PRKCI: variants seen among roughly 807,000 people sequenced by gnomAD.
PRKCI encodes protein kinase C iota.
A neutral mutation model predicts 84.0 loss-of-function variants in PRKCI; 43 were observed. The ratio of observed to expected loss-of-function variants is 0.51; its 90% CI spans 0.40 to 0.66. PRKCI has a LOEUF of 0.66. PRKCI is among the 30% of genes least tolerant of loss of function. The probability of loss-of-function intolerance (pLI) is 0.00; values close to 1 mark genes in which losing one functional copy is unlikely to be tolerated. For missense variants in PRKCI, 459 were observed against 745.6 expected (o/e 0.62, Z 4.48); for synonymous variants, 216 against 234.4 (o/e 0.92, Z 0.72).
At chr3:170,236,107 A>AATT (rs1553836082) in intron 2 of PRKCI, among the ~76,000 whole-genome samples, 13 of 145,966 alleles carry the variant, frequency 8.9e-5, no homozygotes, top group African/African-American at 2.0e-4. Flanking sequence ...TTTAATTTAA[A>AATT]TTTTTTTTTT....
chr3:170,243,089 A>G (rs1390331765), intron 2 of PRKCI, among the ~76,000 whole-genome samples: 1 of 152,172 alleles, frequency 6.6e-6, no homozygotes. Flanking sequence ...TAATATATAT[A>G]ATAAGTTATA....
At chr3:170,238,257 A>G (rs1371705343) in intron 2 of PRKCI, among the ~76,000 whole-genome samples, 1 of 147,668 alleles carries the variant, frequency 6.8e-6, no homozygotes, top group Non-Finnish European at 1.5e-5. Context: ...CAGCTACTAG[A>G]GAGGGTGAGG....
intron 1 of PRKCI, among the ~76,000 whole-genome samples, chr3:170,223,793 T>G (rs1798240): frequency 0.52 from 79,140 of 151,440 alleles, 21,062 homozygotes; most frequent in East Asian, 0.73. Flanking sequence ...GGTTGAAATT[T>G]TAATGCATAC....
At chr3:170,283,036 C>CGGACCCGGGAGGT (rs1433815277) in intron 11 of PRKCI, among the ~76,000 whole-genome samples, 1 of 149,480 alleles carries the variant, frequency 6.7e-6, no homozygotes, top group Non-Finnish European at 1.5e-5. Context: ...GCCCGGGAGG[C>CGGACCCGGGAGGT]GGAGGTTGCA....
chr3:170,262,832 C>CT (rs748452040), intron 3 of PRKCI, among the ~76,000 whole-genome samples: 44,934 of 132,922 alleles, frequency 0.34, 7,536 homozygotes, highest in South Asian at 0.44. Flanking sequence ...TTCTTTCTTT[C>CT]TTTTTTTTTT....
At chr3:170,250,076 G>A (rs1733399397) in intron 2 of PRKCI, among the ~76,000 whole-genome samples, 1 of 151,796 alleles carries the variant, frequency 6.6e-6, no homozygotes, top group Non-Finnish European at 1.5e-5. Flanking sequence ...AGCAGTTTGA[G>A]ACCAGCCTGG....
chr3:170,232,763 C>A (rs959957648), intron 1 of PRKCI, among the ~76,000 whole-genome samples: 1 of 151,804 alleles, frequency 6.6e-6, no homozygotes, highest in African/African-American at 2.4e-5. Context: ...TGAGGCTGGC[C>A]TTGAACTCCT....
chr3:170,255,483 T>A (rs539759277), intron 2 of PRKCI, among the ~76,000 whole-genome samples: 1 of 152,366 alleles, frequency 6.6e-6, no homozygotes, highest in South Asian at 2.1e-4. Flanking sequence ...GAAATGCTAC[T>A]GATTTTTGTG....
chr3:170,280,575 A>G (rs904248472), intron 9 of PRKCI, among the ~76,000 whole-genome samples, 172 bp downstream of exon 9: 3 of 152,008 alleles, frequency 2.0e-5, no homozygotes, highest in African/African-American at 4.8e-5. Flanking sequence ...CAGCCTCCCA[A>G]GTAGCTGGGA....
Position 170,273,315 on chromosome 3 carries a change from C to T in PRKCI, c.621C>T (p.Ser207=). The stretch of plus-strand genomic sequence containing the variant: ...CAGTGATGCCCATGGATCAGTCATC[C>T]ATGCATTCTGACCATGCACAGACAG... ...QEPVMPMDQS[S]MHSDHAQTVI... is the part of the protein sequence containing the mutation. The change falls in exon 7 of 18, where the codon TCC becomes TCT. Residue 207 remains serine, a synonymous_variant. Coordinates refer to ENST00000295797, the MANE Select transcript of PRKCI (RefSeq NM_002740.6). 6.2e-7 allele frequency: 1 copy of T among 1,613,728 alleles called. No individual in the cohort carries two copies. The highest frequency in any genetic ancestry group is 1.3e-5 in the African/African-American group (1 of 75,016).
rs1248361488 is a variant in PRKCI at position 170,262,381 on chromosome 3, GTTAATGATTTCT to G, written c.314-993_314-982del. ...ATACCAAGGATTTAAGGCGATATTA[GTTAATGATTTCT>G]TTAAGGATAAGAAAATAATTCATGA... On this transcript the variant is annotated intron_variant, in intron 3 of 17. Coordinates refer to ENST00000295797, the MANE Select transcript of PRKCI (RefSeq NM_002740.6). Among the ~76,000 whole-genome samples the G allele has an allele frequency of 9.6e-4, 146 of 152,262 alleles. 1 individual carries two copies. The highest frequency in any genetic ancestry group is 3.1e-3 in the African/African-American group (129 of 41,538).
intron 1 of PRKCI, among the ~76,000 whole-genome samples, chr3:170,231,684 C>T (rs1560165652): frequency 6.6e-6 from 1 of 151,962 alleles, no homozygotes; most frequent in African/African-American, 2.4e-5. Context: ...AGACTGGTCT[C>T]GAACGCCTGA....
At chr3:170,262,122 T>G (rs1342881578) in intron 3 of PRKCI, among the ~76,000 whole-genome samples, 1 of 152,240 alleles carries the variant, frequency 6.6e-6, no homozygotes, top group Non-Finnish European at 1.5e-5. Context: ...TGACTAGATA[T>G]TCATAAATAC....
intron 1 of PRKCI, among the ~76,000 whole-genome samples, chr3:170,234,523 A>AT (rs1560166532): frequency 2.0e-5 from 3 of 152,136 alleles, no homozygotes; most frequent in Non-Finnish European, 4.4e-5. Flanking sequence ...AGTGTAACTA[A>AT]TTTTTTCCCT....
Position 170,305,305 on chromosome 3 carries a change from T to C in PRKCI, c.*2178T>C, listed in dbSNP as rs1027634316. 3 of 152,622 alleles carry C rather than the reference T, an allele frequency of 2.0e-5. No individual in the cohort carries two copies. Among genetic ancestry groups the C allele is most frequent in the African/African-American group, 7.2e-5 (3 of 41,444 alleles). The allele number at this position is 152,622 out of a possible 1,614,324, so 9.5% of individuals were successfully genotyped here. A position where few individuals can be genotyped will look rare whatever the true frequency, so the allele number is the denominator to read the frequency against. On this transcript the variant is annotated 3_prime_UTR_variant, in exon 18 of 18. Transcript: ENST00000295797. ...TTCGACCTCACTTTGAGAAATACCT[T>C]CTTCAGGTTATTCTTTATGTTTGTC...
rs371944110 is a variant in PRKCI, at chr3:170,298,978, C to A, written c.1588-17C>A. ...TAAGAATACAGACTTGAGCTGTCATCCAGTATGTCTTTTCAGATGGAGCAA... is the reference window on the plus strand; with the variant it reads ...TAAGAATACAGACTTGAGCTGTCATACAGTATGTCTTTTCAGATGGAGCAA... On this transcript the variant is annotated splice_polypyrimidine_tract_variant and intron_variant, in intron 16 of 17. Coordinates refer to ENST00000295797, the MANE Select transcript of PRKCI (RefSeq NM_002740.6). The A allele has an allele frequency of 1.3e-6, 2 of 1,524,392 alleles. No individual in the cohort carries two copies. The highest frequency in any genetic ancestry group is 2.7e-5 in the African/African-American group (2 of 73,076). The allele number at this position is 1,524,392 out of a possible 1,614,324, so 94.4% of individuals were successfully genotyped here.
chr3:170,256,735 G>A (rs903535842), intron 2 of PRKCI, among the ~76,000 whole-genome samples: 4 of 151,868 alleles, frequency 2.6e-5, no homozygotes, highest in Non-Finnish European at 4.4e-5. Context: ...CGCTTTTCTT[G>A]TTCTTTAAGA....
At chr3:170,245,136 G>T (rs917663596) in intron 2 of PRKCI, among the ~76,000 whole-genome samples, 3 of 152,158 alleles carry the variant, frequency 2.0e-5, no homozygotes, top group African/African-American at 7.2e-5. Flanking sequence ...GGAGAAGTCA[G>T]TTGTAGGGGT....
At chr3:170,241,383 T>C (rs1265653644) in intron 2 of PRKCI, among the ~76,000 whole-genome samples, 1 of 152,168 alleles carries the variant, frequency 6.6e-6, no homozygotes, top group Non-Finnish European at 1.5e-5. Flanking sequence ...TCTACGTGTA[T>C]GAGTTCAACT....
Sources: allele counts gnomAD v4.1 joint callset (sites outside exome capture counted in the v4.1 genomes callset), GRCh38; gene constraint gnomAD v4.1.1; transcripts MANE v1.5; gene names NCBI Gene and HGNC (gene_info 2026-07-23, HGNC 2026-07-21).